The following ATAD2 variants were observed in gnomAD, a reference collection of about 807,000 sequenced individuals.
The protein encoded by ATAD2 is ATPase family AAA domain-containing protein 2.
Under a neutral mutation model 168.9 loss-of-function variants are expected in ATAD2, and 62 were observed. The observed-to-expected ratio is 0.37, with a 90% CI of 0.30 to 0.45. The LOEUF (loss-of-function observed/expected upper bound fraction) is 0.45, where lower values mean the gene tolerates loss of function less well. Ranked by LOEUF, ATAD2 falls within the 20% of genes least tolerant of loss-of-function variation. ATAD2 has a pLI of 1.00. For synonymous variants in ATAD2, 613 were observed against 571.6 expected (o/e 1.07, Z -1.03); for missense variants, 1,419 against 1,667.8 (o/e 0.85, Z 2.60).
At chr8:123,323,171 G>T in intron 26 of ATAD2, 105 bp from the exon 27 acceptor site, 1 of 1,233,954 alleles carries the variant, frequency 8.1e-7, no homozygotes, top group Non-Finnish European at 1.1e-6. Context: ...ACAGAGGGTA[G>T]ACCAAGCCAT....
intron 1 of ATAD2, among the ~76,000 whole-genome samples, chr8:123,393,280 A>G (rs1343093905): frequency 2.0e-5 from 3 of 151,996 alleles, no homozygotes; most frequent in African/African-American, 4.8e-5. Context: ...GGAAGCTGAA[A>G]CTGAAGGATT....
At chr8:123,396,929 A>G (rs1812876173), upstream of ATAD2, among the ~76,000 whole-genome samples, 1 of 151,964 alleles carries the variant, frequency 6.6e-6, no homozygotes, top group Non-Finnish European at 1.5e-5. Flanking sequence ...TTGAGCCTTA[A>G]GAACTTTTTT....
chr8:123,387,474 G>A (rs2129911758), intron 1 of ATAD2, among the ~76,000 whole-genome samples: 1 of 152,152 alleles, frequency 6.6e-6, no homozygotes, highest in Non-Finnish European at 1.5e-5. Context: ...CAGAGATGGG[G>A]ACTTTCACTT....
chr8:123,396,019 C>A (rs551109373), intron 1 of ATAD2, among the ~76,000 whole-genome samples, 168 bp downstream of exon 1: 1 of 152,314 alleles, frequency 6.6e-6, no homozygotes, highest in East Asian at 1.9e-4. Context: ...CGATCCGACC[C>A]GCACCTCCGA....
intron 6 of ATAD2, 128 bp from the exon 7 acceptor site, chr8:123,370,152 A>C: frequency 2.5e-6 from 2 of 806,900 alleles, no homozygotes; most frequent in Non-Finnish European, 3.9e-6. Flanking sequence ...AAAAAAAACA[A>C]CAAAAAAAAA....
intron 17 of ATAD2, 66 bp from the exon 18 acceptor site, chr8:123,346,338 T>C: frequency 7.2e-7 from 1 of 1,398,202 alleles, no homozygotes; most frequent in Non-Finnish European, 9.6e-7. Context: ...CCCTAAATTG[T>C]CAACTATAAA....
chr8:123,370,803 T>C (rs1217778487), intron 6 of ATAD2, 100 bp downstream of exon 6: 7 of 797,802 alleles, frequency 8.8e-6, no homozygotes, highest in Non-Finnish European at 1.3e-5. Flanking sequence ...TCTCACAAAC[T>C]ACCATAAATG....
chr8:123,400,794 G>A (rs1812985606), upstream of ATAD2: 15 of 916,480 alleles, frequency 1.6e-5, no homozygotes, highest in South Asian at 1.9e-4. This position sits in a 1 kb window ranked among gnomAD's most constrained non-coding sequence, Gnocchi z 4.5. Flanking sequence ...TGGACACTGT[G>A]ACAGAGGGCA....
In ATAD2 at chr8:123,404,601, C is replaced by G. The variant is rs188421250; in HGVS notation, c.-2281-3426G>C. On this transcript the variant is annotated intron_variant, in intron 1 of 28. Coordinates refer to the ATAD2 transcript ENST00000521903. ...TTTTCTTTTGAGATGGAGTCTCGCT[C>G]TGTCGCCCAGGCTGGAGTGCAGTGG... Among the ~76,000 whole-genome samples the G allele has an allele frequency of 5.6e-3, 838 of 150,716 alleles. 9 individuals are homozygous for G. Among genetic ancestry groups the G allele is most frequent in the Non-Finnish European group, 8.7e-3 (590 of 67,828 alleles).
intron 1 of ATAD2, among the ~76,000 whole-genome samples, chr8:123,394,554 G>T (rs941423998): frequency 3.3e-5 from 5 of 152,038 alleles, no homozygotes; most frequent in African/African-American, 1.2e-4. Context: ...GCTTGAACCC[G>T]GGAGGTGGAG....
In ATAD2 at chr8:123,337,581, C is replaced by G. The variant is rs767407814; in HGVS notation, c.3051+44G>C. 5.4e-6 allele frequency: 8 copies of G among 1,485,882 alleles called. No individual in the cohort carries two copies. The South Asian group carries it at 8.2e-5, about 15-fold the overall frequency. The allele number at this position is 1,485,882 out of a possible 1,614,324, so 92.0% of individuals were successfully genotyped here. On this transcript the variant is annotated intron_variant, in intron 21 of 27. Coordinates refer to ENST00000287394, the MANE Select transcript of ATAD2 (RefSeq NM_014109.4). ...CTTCAAATATCCTTTGATTGTGAAG[C>G]ATTATGGCCTAGAATACACTTGATC...
intron 1 of ATAD2, among the ~76,000 whole-genome samples, chr8:123,415,365 G>C (rs144238930): frequency 1.4e-4 from 22 of 152,334 alleles, no homozygotes; most frequent in African/African-American, 5.1e-4. Context: ...AATTGACACA[G>C]GAACTGTGCT....
chr8:123,377,421 C>G (rs1224167748), intron 2 of ATAD2, among the ~76,000 whole-genome samples: 1 of 152,022 alleles, frequency 6.6e-6, no homozygotes, highest in East Asian at 1.9e-4. Flanking sequence ...TAAAGCCAAA[C>G]AATGTTTTAT....
intron 2 of ATAD2, among the ~76,000 whole-genome samples, chr8:123,376,601 C>T (rs1167566250): frequency 6.6e-6 from 1 of 152,082 alleles, no homozygotes; most frequent in East Asian, 1.9e-4. Context: ...TGGAATTGTA[C>T]ACTTTAGAAT....
At position 123,370,908 on chromosome 8, in the gene ATAD2, C is replaced by A. The variant is rs761390523; in HGVS notation, c.722G>T (p.Ser241Ile). 1 of 1,602,034 alleles carries A rather than the reference C, an allele frequency of 6.2e-7. No individual in the cohort carries two copies. The highest frequency in any genetic ancestry group is 8.5e-7 in the Non-Finnish European group (1 of 1,173,762). Reference protein sequence around the residue: ...DEETTDNQEGSVESSEEGEDQ... With the variant: ...DEETTDNQEGIVESSEEGEDQ... Reference sequence around the variant, plus strand: ...GAACAAGAGAAGAGACTAACCCACACTGCCTTCTTGATTATCAGTTGTTTC... The same window carrying A: ...GAACAAGAGAAGAGACTAACCCACAATGCCTTCTTGATTATCAGTTGTTTC... Residue 241 changes from serine (S) to isoleucine (I), a missense_variant, in exon 6 of 28, where the codon AGT (serine) becomes ATT (isoleucine). Ser to Ile is a moderately radical substitution (Grantham distance 142). Around this residue, in one of 5 missense-constraint regions of ATAD2, gnomAD observed 419 missense variants for 423.5 expected, o/e 0.99. Coordinates refer to ENST00000287394, the MANE Select transcript of ATAD2 (RefSeq NM_014109.4).
At chr8:123,360,217 G>A (rs962759466) in intron 9 of ATAD2, among the ~76,000 whole-genome samples, 1 of 152,200 alleles carries the variant, frequency 6.6e-6, no homozygotes, top group Non-Finnish European at 1.5e-5. Flanking sequence ...CAAGTGGTCT[G>A]TCTCCAGAGC....
intron 1 of ATAD2, among the ~76,000 whole-genome samples, chr8:123,392,990 C>T (rs373548280): frequency 2.6e-5 from 4 of 152,052 alleles, no homozygotes; most frequent in African/African-American, 4.8e-5. Flanking sequence ...CGAGACCACC[C>T]TGGCCAACAC....
intron 1 of ATAD2, among the ~76,000 whole-genome samples, chr8:123,381,107 T>C (rs1829481853): frequency 6.6e-6 from 1 of 152,154 alleles, no homozygotes; most frequent in African/African-American, 2.4e-5. Flanking sequence ...AAATAACTGG[T>C]CCATCAGAAT....
chr8:123,332,018 T>C (rs1563834220), intron 24 of ATAD2, among the ~76,000 whole-genome samples: 1 of 152,248 alleles, frequency 6.6e-6, no homozygotes, highest in East Asian at 1.9e-4. Context: ...AATGGTGCTA[T>C]GTACGATCTG....
Sources: gnomAD v4.1 joint callset for allele counts (sites outside exome capture counted in the v4.1 genomes callset) on GRCh38, gnomAD v4.1.1 for gene constraint, gnomAD v4.1.1 regional missense constraint, Gnocchi (gnomAD v3.1) non-coding constraint, MANE v1.5 for transcripts, NCBI Gene and HGNC (gene_info 2026-07-23, HGNC 2026-07-21) for gene names.